Variants in CD3E observed in about 807,000 individuals in gnomAD.
CD3E encodes the protein T-cell surface glycoprotein CD3 epsilon chain.
CD3E carries 16 observed loss-of-function variants against 34.7 expected under a neutral mutation model. The ratio of observed to expected loss-of-function variants is 0.46; its 90% CI spans 0.31 to 0.70. CD3E has a LOEUF of 0.70. Among genes scored for constraint, CD3E ranks in the 30% least tolerant of loss-of-function variants. The pLI is 0.05. For synonymous variants in CD3E, 70 were observed against 90.8 expected (o/e 0.77, Z 1.30); for missense variants, 223 against 253.9 (o/e 0.88, Z 0.83).
In CD3E at chr11:118,315,742, T is replaced by C. The variant is rs200726133; in HGVS notation, c.*200T>C. The C allele has an allele frequency of 1.6e-6, 1 of 615,630 alleles. No homozygotes were observed. Among genetic ancestry groups the C allele is most frequent in the Non-Finnish European group, 2.9e-6 (1 of 339,950 alleles). The allele number at this position is 615,630 out of a possible 1,614,324, so 38.1% of individuals were successfully genotyped here. On this transcript the variant is annotated 3_prime_UTR_variant, in exon 9 of 9. Transcript: ENST00000361763. Reference sequence around the variant, plus strand: ...GTACCCAGTCCTAAAATATTGCTGCTTCCTCTTCCTTTGAAGCATCATCAG... The same window carrying C: ...GTACCCAGTCCTAAAATATTGCTGCCTCCTCTTCCTTTGAAGCATCATCAG...
In CD3E at chr11:118,315,517, C is replaced by G; in HGVS notation, c.599C>G (p.Ser200Cys). Residue 200 changes from serine to cysteine, a missense_variant, in exon 9 of 9, where the codon TCT becomes TGT. Transcript: ENST00000361763. ...CGGAAAGGCCAGCGGGACCTGTATT[C>G]TGGCCTGAATCAGAGACGCATCTGA... ...PIRKGQRDLY[S>C]GLNQRRI 1 of 1,613,558 alleles carries G rather than the reference C, an allele frequency of 6.2e-7. No homozygotes were observed.
Position 118,313,712 on chromosome 11 carries a change from G to A in CD3E, c.358G>A (p.Glu120Lys). The change falls in exon 7 of 9, where the codon GAG becomes AAG. Residue 120 changes from glutamate to lysine, a missense_variant. Glu to Lys is a moderately conservative substitution (Grantham distance 56). Coordinates refer to ENST00000361763, the MANE Select transcript of CD3E (RefSeq NM_000733.4). ...FYLYLRARVC[E>K]NCMEMDVMSV... ...CCCCACCCCACCCCCCACAGTGTGT[G>A]AGAACTGCATGGAGATGGATGTGAT... 6.2e-7 allele frequency: 1 copy of A among 1,614,028 alleles called. No individual in the cohort carries two copies. The highest frequency in any genetic ancestry group is 1.1e-5 in the South Asian group (1 of 91,070).
At chr11:118,309,616 G>A (rs970998875) in intron 4 of CD3E, among the ~76,000 whole-genome samples, 5 of 152,118 alleles carry the variant, frequency 3.3e-5, no homozygotes, top group Admixed American at 6.6e-5. Flanking sequence ...GTGAATTTTA[G>A]CTATTAATAC....
intron 6 of CD3E, chr11:118,313,381 T>C (rs80321530): frequency 7.3e-4 from 300 of 408,532 alleles, no homozygotes; most frequent in African/African-American, 5.9e-3. Flanking sequence ...AACAACTATA[T>C]GGGTTAAGTA....
intron 4 of CD3E, among the ~76,000 whole-genome samples, chr11:118,310,439 TG>T (rs1372105940): frequency 6.6e-6 from 1 of 152,262 alleles, no homozygotes; most frequent in Non-Finnish European, 1.5e-5. Flanking sequence ...TCCATGTTCC[TG>T]CAAAGGACGT....
rs58102034 is a variant in CD3E at position 118,314,960 on chromosome 11, T to TACACACAC, written c.568-493_568-486dup. Among the ~76,000 whole-genome samples the TACACACAC allele has an allele frequency of 9.1e-3, 1,313 of 143,720 alleles. 6 individuals are homozygous for TACACACAC. Among genetic ancestry groups the TACACACAC allele is most frequent in the Admixed American group, 0.014 (195 of 14,430 alleles). The allele number at this position is 143,720 out of a possible 152,430, so 94.3% of individuals were successfully genotyped here. A position where few individuals can be genotyped will look rare whatever the true frequency, so the allele number is the denominator to read the frequency against. On this transcript the variant is annotated intron_variant, in intron 8 of 8. Transcript: ENST00000361763. ...CCCAACCCACCCTTACACACACACA[T>TACACACAC]ACACACACACACACACACACACACA...
chr11:118,305,462 T>C (rs1284388181), intron 2 of CD3E, among the ~76,000 whole-genome samples: 1 of 152,244 alleles, frequency 6.6e-6, no homozygotes, highest in Non-Finnish European at 1.5e-5. Flanking sequence ...ACCAACAACT[T>C]TCAGTTTATT....
In CD3E at chr11:118,315,566, G is replaced by T. The variant is rs981500571; in HGVS notation, c.*24G>T. 1.3e-6 allele frequency: 2 copies of T among 1,596,322 alleles called. No homozygotes were observed. The highest frequency in any genetic ancestry group is 1.3e-5 in the African/African-American group (1 of 74,266). On this transcript the variant is annotated 3_prime_UTR_variant, in exon 9 of 9. Transcript: ENST00000361763. ...GACCCTCTGGAGAACACTGCCTCCC[G>T]CTGGCCCAGGTCTCCTCTCCAGTCC...
chr11:118,314,934 C>G (rs1161301293), intron 8 of CD3E, among the ~76,000 whole-genome samples: 1 of 147,188 alleles, frequency 6.8e-6, no homozygotes, highest in Non-Finnish European at 1.5e-5. Context: ...ACTTTGCTCA[C>G]CCCAACCCAC....
intron 6 of CD3E, 117 bp from the exon 7 acceptor site, chr11:118,313,590 G>A (rs185497097): frequency 4.9e-5 from 46 of 933,816 alleles, no homozygotes; most frequent in African/African-American, 4.0e-4. Flanking sequence ...GGCTCTGACC[G>A]TGGCAAGCGT....
intron 3 of CD3E, among the ~76,000 whole-genome samples, chr11:118,307,694 C>T (rs565545692): frequency 9.2e-5 from 14 of 152,226 alleles, no homozygotes; most frequent in Non-Finnish European, 1.9e-4. Context: ...TTCAGAATCA[C>T]ATGTCTGAAT....
chr11:118,308,958 C>A (rs919974745), intron 4 of CD3E, among the ~76,000 whole-genome samples: 1 of 152,060 alleles, frequency 6.6e-6, no homozygotes, highest in African/African-American at 2.4e-5. Context: ...TACTGAGTGT[C>A]GTTGGGAAAG....
rs372272939 is a variant in CD3E at position 118,313,016 on chromosome 11, C to G, written c.352+150C>G. ...TCAATCCTGGGACTCTCTGGTACCA[C>G]ACGGCATCAGTGTTTTCTGGAATAT... On this transcript the variant is annotated intron_variant, in intron 6 of 8. Transcript: ENST00000361763. 685 of 873,482 alleles carry G rather than the reference C, an allele frequency of 7.8e-4. 4 individuals carry two copies. Among genetic ancestry groups the G allele is most frequent in the Middle Eastern group, 7.7e-3 (35 of 4,550 alleles). The allele number at this position is 873,482 out of a possible 1,614,324, so 54.1% of individuals were successfully genotyped here. A position where few individuals can be genotyped will look rare whatever the true frequency, so the allele number is the denominator to read the frequency against.
At position 118,304,757 on chromosome 11, in the gene CD3E, G is replaced by A. The variant is rs1186666951; in HGVS notation, c.-79G>A. ...AAACCCTCCTCCCCTCCCAGCCTCA[G>A]GTGCCTGCTTCAGAAAATGGTGAGT... is the stretch of plus-strand genomic sequence containing the variant. On this transcript the variant is annotated 5_prime_UTR_variant, in exon 1 of 9. Transcript: ENST00000361763. 14 of 656,294 alleles carry A rather than the reference G, an allele frequency of 2.1e-5. No homozygotes were observed. In the East Asian group the frequency reaches 4.0e-4, roughly 19 times the overall value. The allele number at this position is 656,294 out of a possible 1,614,324, so 40.7% of individuals were successfully genotyped here. A position where few individuals can be genotyped will look rare whatever the true frequency, so the allele number is the denominator to read the frequency against.
In CD3E at chr11:118,314,056, C is replaced by T. The variant is rs1948151577; in HGVS notation, c.520+182C>T. 2.6e-5 allele frequency among the ~76,000 whole-genome samples: 4 copies of T among 152,208 alleles called. No individual in the cohort carries two copies. In the South Asian group the frequency reaches 6.2e-4, roughly 24 times the overall value. On this transcript the variant is annotated intron_variant, in intron 7 of 8. Coordinates refer to ENST00000361763, the MANE Select transcript of CD3E (RefSeq NM_000733.4). ...TTTCAAATCTCACATCACTCCCCTC[C>T]TTCCCATCCTAGAAAAGTGCAAAAA...
Position 118,313,766 on chromosome 11 carries a change from A to C in CD3E, c.412A>C (p.Ile138Leu). 1 of 1,614,158 alleles carries C rather than the reference A, an allele frequency of 6.2e-7. No individual in the cohort carries two copies. Among genetic ancestry groups the C allele is most frequent in the East Asian group, 2.2e-5 (1 of 44,890 alleles). ...GGTGGCCACAATTGTCATAGTGGAC[A>C]TCTGCATCACTGGGGGCTTGCTGCT... ...MSVATIVIVD[I>L]CITGGLLLLV... Residue 138 changes from isoleucine (I) to leucine (L), a missense_variant, in exon 7 of 9, where the codon ATC becomes CTC. By Grantham distance (5) the Ile-to-Leu change is conservative. Coordinates refer to ENST00000361763, the MANE Select transcript of CD3E (RefSeq NM_000733.4).
chr11:118,308,410 T>A lies in CD3E; in HGVS notation c.71-17T>A, dbSNP rs200865017. 1.1e-4 allele frequency: 170 copies of A among 1,591,466 alleles called. No individual in the cohort carries two copies. Among genetic ancestry groups the A allele is most frequent in the Non-Finnish European group, 1.3e-4 (152 of 1,162,256 alleles). Reference sequence around the variant, plus strand: ...GATAGAAACATTACTAATGGCTTCTTACTGTTTCCTTTTCAGGTAATGAAG... The same window carrying A: ...GATAGAAACATTACTAATGGCTTCTAACTGTTTCCTTTTCAGGTAATGAAG... On this transcript the variant is annotated splice_polypyrimidine_tract_variant and intron_variant, in intron 3 of 8. Coordinates refer to ENST00000361763, the MANE Select transcript of CD3E (RefSeq NM_000733.4).
At position 118,314,777 on chromosome 11, in the gene CD3E, T is replaced by C. The variant is rs61900905; in HGVS notation, c.567+283T>C. ...ACTGGGATACAGCCATGGAGAATAT[T>C]ATATATGCAAATTCTAACACAATAA... On this transcript the variant is annotated intron_variant, in intron 8 of 8. Transcript: ENST00000361763. Among the ~76,000 whole-genome samples, 40,429 of 152,062 alleles carry C rather than the reference T, an allele frequency of 0.27. 6,302 individuals carry two copies. Among genetic ancestry groups the C allele is most frequent in the Admixed American group, 0.4 (6,082 of 15,278 alleles).
chr11:118,305,214 A>G (rs910706516), intron 2 of CD3E, among the ~76,000 whole-genome samples: 9 of 152,206 alleles, frequency 5.9e-5, no homozygotes, highest in African/African-American at 2.2e-4. Context: ...GGCAAAGAAG[A>G]GCAGTTGGGG....
Sources: allele counts gnomAD v4.1 joint callset (sites outside exome capture counted in the v4.1 genomes callset), GRCh38; gene constraint gnomAD v4.1.1; transcripts MANE v1.5; gene names NCBI Gene and HGNC (gene_info 2026-07-23, HGNC 2026-07-21).